The following TXLNB variants were observed in gnomAD, a reference collection of about 807,000 sequenced individuals.
TXLNB encodes the protein beta-taxilin.
TXLNB carries 37 observed loss-of-function variants against 57.4 expected under a neutral mutation model. The observed-to-expected ratio is 0.64, with a 90% confidence interval of 0.50 to 0.85. The LOEUF (loss-of-function observed/expected upper bound fraction) is 0.85, where lower values mean the gene tolerates loss of function less well. Ranked by LOEUF, TXLNB falls within the 40% of genes least tolerant of loss-of-function variation. The pLI, the probability that TXLNB is intolerant of heterozygous loss-of-function variation, is 0.00. For missense variants in TXLNB, 848 were observed against 825.6 expected (o/e 1.03, Z -0.33); for synonymous variants, 302 against 309.6 (o/e 0.98, Z 0.26).
chr6:139,193,840 ATTTTTTTTTT>A, the TXLNB span, among the ~76,000 whole-genome samples: 27 of 85,190 alleles, frequency 3.2e-4, no homozygotes, highest in South Asian at 4.5e-4. Flanking sequence ...ATATATATAT[ATTTTTTTTTT>A]TTTTTTTTTG....
At chr6:139,293,881 T>C (rs1160490726), upstream of TXLNB, among the ~76,000 whole-genome samples, 3 of 152,192 alleles carry the variant, frequency 2.0e-5, no homozygotes, top group Non-Finnish European at 2.9e-5. Context: ...AATTAATGAA[T>C]ACTTGGTGAG....
At chr6:139,176,148 C>G in the TXLNB span, among the ~76,000 whole-genome samples, 416 of 152,238 alleles carry the variant, frequency 2.7e-3, 2 homozygotes, top group African/African-American at 9.3e-3. The surrounding 1 kb of genome is among the most constrained non-coding windows in gnomAD (Gnocchi z 4.5). Flanking sequence ...AAAAGTAGTT[C>G]CTGCAGTGGC....
At chr6:139,313,533 C>T in the TXLNB span, among the ~76,000 whole-genome samples, 2 of 152,042 alleles carry the variant, frequency 1.3e-5, no homozygotes, top group Admixed American at 6.5e-5. Context: ...GAAAAGAGTA[C>T]CCTGACCAGG....
chr6:139,227,041 C>T, the TXLNB span, among the ~76,000 whole-genome samples: 97,230 of 151,538 alleles, frequency 0.64, 31,886 homozygotes, highest in East Asian at 0.82. Flanking sequence ...CAAAACAAAA[C>T]AAAACAAACT....
At chr6:139,186,635 T>C in the TXLNB span, among the ~76,000 whole-genome samples, 1 of 152,158 alleles carries the variant, frequency 6.6e-6, no homozygotes, top group Admixed American at 6.5e-5. Flanking sequence ...ATTCAAGAAA[T>C]GAAAGTATAT....
the TXLNB span, among the ~76,000 whole-genome samples, chr6:139,168,735 C>T: frequency 6.6e-6 from 1 of 152,086 alleles, no homozygotes; most frequent in African/African-American, 2.4e-5. Context: ...GGAAACATCC[C>T]CCAGGAGCTT....
chr6:139,262,561 G>A lies in TXLNB; in HGVS notation c.882+18C>T, dbSNP rs749782649. The A allele has an allele frequency of 1.4e-5, 22 of 1,605,234 alleles. No individual in the cohort carries two copies. Among genetic ancestry groups the A allele is most frequent in the Non-Finnish European group, 6.0e-6 (7 of 1,175,666 alleles). On this transcript the variant is annotated intron_variant, in intron 5 of 9. Transcript: ENST00000358430. Reference sequence around the variant, plus strand: ...CCGGATCTATGTACTGTTCTAAGTTGTTTGATGTGGTTCTCACCTCCTCTC... The same window carrying A: ...CCGGATCTATGTACTGTTCTAAGTTATTTGATGTGGTTCTCACCTCCTCTC...
chr6:139,213,182 C>T, the TXLNB span, among the ~76,000 whole-genome samples: 9 of 152,204 alleles, frequency 5.9e-5, no homozygotes, highest in African/African-American at 2.2e-4. Flanking sequence ...ACATTCTTTT[C>T]AGCACCACAC....
the TXLNB span, among the ~76,000 whole-genome samples, chr6:139,204,836 C>G: frequency 1.3e-5 from 2 of 152,046 alleles, 1 homozygote; most frequent in South Asian, 4.1e-4. Flanking sequence ...TATCATTCAC[C>G]CAGCTATTCT....
At chr6:139,262,855 G>C (rs1776521916) in intron 4 of TXLNB, 82 bp from the exon 5 acceptor site, 2 of 1,368,408 alleles carry the variant, frequency 1.5e-6, no homozygotes, top group Non-Finnish European at 2.0e-6. Flanking sequence ...AAGGAGATAA[G>C]TGTGCAGAGT....
chr6:139,169,546 G>A, the TXLNB span: 18 of 152,188 alleles, frequency 1.2e-4, no homozygotes, highest in Non-Finnish European at 2.9e-5. Context: ...CCTTTATCTT[G>A]TAGCATTTGT....
chr6:139,212,525 T>C, the TXLNB span, among the ~76,000 whole-genome samples: 4 of 152,248 alleles, frequency 2.6e-5, no homozygotes, highest in East Asian at 7.7e-4. Context: ...TGCAAAAACA[T>C]GCCAAATTGT....
At chr6:139,218,048 G>A in the TXLNB span, among the ~76,000 whole-genome samples, 1 of 152,104 alleles carries the variant, frequency 6.6e-6, no homozygotes, top group Non-Finnish European at 1.5e-5. Flanking sequence ...ATTAGACTAT[G>A]ATTGGATGGC....
At chr6:139,191,182 G>A in the TXLNB span, among the ~76,000 whole-genome samples, 2 of 152,168 alleles carry the variant, frequency 1.3e-5, no homozygotes, top group African/African-American at 4.8e-5. Flanking sequence ...CACTTTGGGA[G>A]GCCGAGATGG....
chr6:139,244,934 C>T (rs1363613732), intron 8 of TXLNB, among the ~76,000 whole-genome samples: 1 of 152,166 alleles, frequency 6.6e-6, no homozygotes, highest in African/African-American at 2.4e-5. Flanking sequence ...CTTAGGGGCA[C>T]ATGGTTTTGT....
the TXLNB span, among the ~76,000 whole-genome samples, chr6:139,190,129 T>C: frequency 6.6e-6 from 1 of 152,268 alleles, no homozygotes; most frequent in East Asian, 1.9e-4. Context: ...TGCCTTCATA[T>C]CTTACACATT....
the TXLNB span, among the ~76,000 whole-genome samples, chr6:139,303,529 C>T: frequency 6.6e-6 from 1 of 151,978 alleles, no homozygotes; most frequent in Admixed American, 6.6e-5. Flanking sequence ...ACAAAAGTAA[C>T]TATGTAGAAA....
chr6:139,287,544 C>A (rs997924605), intron 2 of TXLNB, among the ~76,000 whole-genome samples: 2 of 152,154 alleles, frequency 1.3e-5, no homozygotes, highest in African/African-American at 4.8e-5. Flanking sequence ...TTGATAGATT[C>A]TCCATCTAGC....
chr6:139,173,476 T>G, the TXLNB span, among the ~76,000 whole-genome samples: 1 of 152,190 alleles, frequency 6.6e-6, no homozygotes, highest in South Asian at 2.1e-4. Flanking sequence ...TGATCCTTAC[T>G]ACTGAGTGCT....
Sources: gnomAD v4.1 joint callset for allele counts (sites outside exome capture counted in the v4.1 genomes callset) on GRCh38, gnomAD v4.1.1 for gene constraint, Gnocchi (gnomAD v3.1) non-coding constraint, MANE v1.5 for transcripts, NCBI Gene and HGNC (gene_info 2026-07-23, HGNC 2026-07-21) for gene names.